ELMO1: variants seen among roughly 807,000 people sequenced by gnomAD.
ELMO1 encodes the protein engulfment and cell motility protein 1.
ELMO1 carries 26 observed loss-of-function variants against 98.9 expected under a neutral mutation model. The ratio of observed to expected loss-of-function variants is 0.26; its 90% CI spans 0.19 to 0.36. ELMO1 has a LOEUF of 0.36. ELMO1 is among the 10% of genes least tolerant of loss of function. The pLI, the probability that ELMO1 is intolerant of heterozygous loss-of-function variation, is 1.00. For synonymous variants in ELMO1, 346 were observed against 346.0 expected (o/e 1.00, Z 0.00); for missense variants, 627 against 935.2 (o/e 0.67, Z 4.30).
At chr7:36,883,780 A>G (rs1804681806) in intron 18 of ELMO1, among the ~76,000 whole-genome samples, 1 of 152,168 alleles carries the variant, frequency 6.6e-6, no homozygotes, top group African/African-American at 2.4e-5. Context: ...TAAATTAGTC[A>G]GTCTTAGGCA....
At chr7:36,859,498 T>C (rs370939164) in intron 21 of ELMO1, among the ~76,000 whole-genome samples, 196 of 152,282 alleles carry the variant, frequency 1.3e-3, no homozygotes, top group African/African-American at 4.5e-3. Flanking sequence ...AACTGAGTGA[T>C]GGGCCTGCCA....
chr7:37,093,135 C>T (rs970462645), intron 15 of ELMO1, among the ~76,000 whole-genome samples: 1 of 151,816 alleles, frequency 6.6e-6, no homozygotes, highest in East Asian at 1.9e-4. Context: ...GTAACATTTG[C>T]TTCTTGCAAT....
chr7:36,900,759 G>A (rs568090057), intron 16 of ELMO1, among the ~76,000 whole-genome samples: 6 of 152,164 alleles, frequency 3.9e-5, no homozygotes, highest in Admixed American at 1.3e-4. Context: ...TCACAGTGAC[G>A]AGAAAAGGCT....
At chr7:36,974,129 A>C (rs1790269949) in intron 16 of ELMO1, among the ~76,000 whole-genome samples, 1 of 152,236 alleles carries the variant, frequency 6.6e-6, no homozygotes, top group Non-Finnish European at 1.5e-5. Context: ...GTGTGGGCGC[A>C]CAGCGCAGGA....
chr7:37,250,862 C>A (rs1036034326), intron 6 of ELMO1, among the ~76,000 whole-genome samples: 2 of 151,638 alleles, frequency 1.3e-5, no homozygotes, highest in African/African-American at 2.4e-5. Flanking sequence ...CTTTTGTTCG[C>A]AGTTGACTTT....
chr7:36,885,883 G>A (rs1176112135), intron 18 of ELMO1, among the ~76,000 whole-genome samples: 1 of 152,166 alleles, frequency 6.6e-6, no homozygotes, highest in Non-Finnish European at 1.5e-5. Flanking sequence ...TTGTTTTGCT[G>A]TTTCTTGTTG....
At chr7:37,384,858 G>A (rs907778794) in intron 1 of ELMO1, among the ~76,000 whole-genome samples, 7 of 152,140 alleles carry the variant, frequency 4.6e-5, no homozygotes, top group South Asian at 2.1e-4. Flanking sequence ...AACTAGCAAC[G>A]GTTGTACACA....
chr7:37,216,515 T>TA (rs1484089577), intron 11 of ELMO1, 130 bp downstream of exon 11: 1 of 1,057,034 alleles, frequency 9.5e-7, no homozygotes, highest in Admixed American at 2.2e-5. Flanking sequence ...TTTCCTTCAT[T>TA]AGAGTTCCTA....
intron 2 of ELMO1, among the ~76,000 whole-genome samples, chr7:37,339,365 T>C (rs1230809973): frequency 6.6e-6 from 1 of 152,174 alleles, no homozygotes; most frequent in African/African-American, 2.4e-5. Flanking sequence ...ACAAGGACAA[T>C]ACAATGTGAT....
chr7:37,036,376 A>G (rs1373924891), intron 15 of ELMO1, among the ~76,000 whole-genome samples: 1 of 151,988 alleles, frequency 6.6e-6, no homozygotes, highest in African/African-American at 2.4e-5. Flanking sequence ...TAATTTATTT[A>G]TTTATTTGTT....
chr7:36,917,367 G>T (rs1784785067), intron 16 of ELMO1, among the ~76,000 whole-genome samples: 1 of 152,100 alleles, frequency 6.6e-6, no homozygotes, highest in Admixed American at 6.6e-5. Flanking sequence ...ATTCAAAAAA[G>T]AAATTATTGA....
intron 1 of ELMO1, among the ~76,000 whole-genome samples, chr7:37,346,028 G>T (rs528032118): frequency 6.6e-6 from 1 of 152,078 alleles, no homozygotes; most frequent in South Asian, 2.1e-4. Context: ...GGTGAGGATG[G>T]GGCCCCTGTG....
At chr7:37,347,901 C>A (rs1464632882) in intron 1 of ELMO1, among the ~76,000 whole-genome samples, 1 of 152,122 alleles carries the variant, frequency 6.6e-6, no homozygotes, top group Non-Finnish European at 1.5e-5. Context: ...CTTGGTGAGG[C>A]ATAACTGAGA....
intron 1 of ELMO1, among the ~76,000 whole-genome samples, chr7:37,434,492 G>A (rs1805062539): frequency 6.6e-6 from 1 of 152,188 alleles, no homozygotes; most frequent in African/African-American, 2.4e-5. Context: ...GATTCTTTTA[G>A]AAATGGTTAG....
intron 15 of ELMO1, among the ~76,000 whole-genome samples, chr7:37,058,167 T>A (rs1480613271): frequency 1.3e-5 from 2 of 152,216 alleles, no homozygotes; most frequent in Non-Finnish European, 2.9e-5. Flanking sequence ...AGGTCTTCAG[T>A]CTAGAGTTCC....
intron 16 of ELMO1, among the ~76,000 whole-genome samples, chr7:36,994,297 A>G (rs1792058129): frequency 6.6e-6 from 1 of 152,160 alleles, no homozygotes; most frequent in African/African-American, 2.4e-5. Context: ...TTCTTCCTCT[A>G]TGTAATTTTT....
Position 36,933,638 on chromosome 7 carries a change from G to A in ELMO1, c.1438-38621C>T, listed in dbSNP as rs561115255. 1.6e-4 allele frequency among the ~76,000 whole-genome samples: 24 copies of A among 152,338 alleles called. No homozygotes were observed. In the South Asian group the frequency reaches 4.8e-3, roughly 30 times the overall value. ...TTTCCTGCTAAGAGGCTCCGTCTCT[G>A]TGGGATGAAGGGCAACCCAGTGGGA... On this transcript the variant is annotated intron_variant, in intron 16 of 21. Transcript: ENST00000310758.
At chr7:37,360,825 A>G (rs1438992264) in intron 1 of ELMO1, among the ~76,000 whole-genome samples, 5 of 152,248 alleles carry the variant, frequency 3.3e-5, no homozygotes, top group African/African-American at 1.2e-4. Flanking sequence ...GGAAAATTTT[A>G]TAAAAACCTT....
chr7:37,057,373 A>G (rs1259771671), intron 15 of ELMO1, among the ~76,000 whole-genome samples: 1 of 152,238 alleles, frequency 6.6e-6, no homozygotes, highest in Admixed American at 6.5e-5. Context: ...AGTGATCACC[A>G]GAAGGCACAG....
Sources: allele counts gnomAD v4.1 joint callset (sites outside exome capture counted in the v4.1 genomes callset), GRCh38; gene constraint gnomAD v4.1.1; transcripts MANE v1.5; gene names NCBI Gene and HGNC (gene_info 2026-07-23, HGNC 2026-07-21).